B3GAT2: variants seen among roughly 807,000 people sequenced by gnomAD.
B3GAT2 encodes beta-1,3-glucuronyltransferase 2.
In B3GAT2, 26 loss-of-function variants were observed where a neutral mutation model predicts 27.8. The observed-to-expected ratio is 0.93, with a 90% confidence interval of 0.68 to 1.30. The LOEUF is 1.30. Ranked by LOEUF, B3GAT2 falls within the 50% of genes most tolerant of loss-of-function variation. The pLI, the probability that B3GAT2 is intolerant of heterozygous loss-of-function variation, is 0.00. For synonymous variants in B3GAT2, 218 were observed against 195.1 expected (o/e 1.12, Z -0.98); for missense variants, 458 against 459.0 (o/e 1.00, Z 0.02).
chr6:70,886,349 G>A (rs1346548845), intron 2 of B3GAT2, among the ~76,000 whole-genome samples: 1 of 152,180 alleles, frequency 6.6e-6, no homozygotes, highest in Non-Finnish European at 1.5e-5. Context: ...AAAGAACACA[G>A]AATGCTTCCA....
chr6:70,919,919 C>A (rs1047747748), intron 1 of B3GAT2, among the ~76,000 whole-genome samples: 1 of 152,172 alleles, frequency 6.6e-6, no homozygotes, highest in African/African-American at 2.4e-5. Flanking sequence ...GCTGGGAGAA[C>A]CACTGCTTTC....
At chr6:70,919,315 A>T (rs1772828542) in intron 1 of B3GAT2, among the ~76,000 whole-genome samples, 1 of 152,048 alleles carries the variant, frequency 6.6e-6, no homozygotes. Flanking sequence ...CATTTTTTCA[A>T]GGTTTTTAGC....
chr6:70,856,747 C>A lies in B3GAT2; in HGVS notation c.*4916G>T. 1 of 1,126,914 alleles carries A rather than the reference C, an allele frequency of 8.9e-7. No homozygotes were observed. Among genetic ancestry groups the A allele is most frequent in the South Asian group, 1.9e-5 (1 of 51,910 alleles). The allele number at this position is 1,126,914 out of a possible 1,614,324, so 69.8% of individuals were successfully genotyped here. Reference sequence around the variant, plus strand: ...CTCTTGAATGGCACCATTTTACCTTCTACAATTGTTTGATTCCTATCTAAT... The same window carrying A: ...CTCTTGAATGGCACCATTTTACCTTATACAATTGTTTGATTCCTATCTAAT... On this transcript the variant is annotated 3_prime_UTR_variant, in exon 4 of 4. Transcript: ENST00000230053.
At chr6:70,955,597 AG>A (rs1264057743) in intron 1 of B3GAT2, among the ~76,000 whole-genome samples, 3 of 152,138 alleles carry the variant, frequency 2.0e-5, no homozygotes, top group African/African-American at 7.2e-5. Flanking sequence ...GAAAAGCCCC[AG>A]GGCAGACTCC....
chr6:70,894,334 T>C, intron 1 of B3GAT2, 62 bp from the exon 2 acceptor site: 8 of 1,393,900 alleles, frequency 5.7e-6, no homozygotes, highest in East Asian at 2.3e-5. Flanking sequence ...AGGAAATGAA[T>C]GTGATCTATG....
intron 1 of B3GAT2, among the ~76,000 whole-genome samples, chr6:70,946,913 C>G (rs576656750): frequency 5.5e-4 from 83 of 152,104 alleles, no homozygotes; most frequent in Non-Finnish European, 1.0e-3. Context: ...AACTAGAACT[C>G]AGGATTAAGA....
chr6:70,909,272 A>G (rs1051958245), intron 1 of B3GAT2, among the ~76,000 whole-genome samples: 1 of 152,216 alleles, frequency 6.6e-6, no homozygotes, highest in African/African-American at 2.4e-5. Flanking sequence ...TATCAGGAAA[A>G]CAAAATGAAT....
intron 2 of B3GAT2, among the ~76,000 whole-genome samples, chr6:70,888,618 C>G (rs1772230903): frequency 6.6e-6 from 1 of 152,170 alleles, no homozygotes. Context: ...ACACTGCCAA[C>G]ATGTGGTTCT....
At chr6:70,868,288 G>T (rs182803571) in intron 2 of B3GAT2, among the ~76,000 whole-genome samples, 1 of 152,262 alleles carries the variant, frequency 6.6e-6, no homozygotes, top group East Asian at 1.9e-4. Flanking sequence ...ATTCAACAAA[G>T]TCCTGGAGAT....
intron 2 of B3GAT2, among the ~76,000 whole-genome samples, chr6:70,885,412 G>A (rs183501155): frequency 8.5e-5 from 13 of 152,250 alleles, no homozygotes; most frequent in African/African-American, 2.6e-4. Flanking sequence ...CAATGAACAC[G>A]TATCTGCTCC....
chr6:70,877,570 G>A (rs978837394), intron 2 of B3GAT2, among the ~76,000 whole-genome samples: 24 of 152,234 alleles, frequency 1.6e-4, no homozygotes, highest in African/African-American at 4.6e-4. Flanking sequence ...CAGCGCTGAT[G>A]GTTTCTGCAT....
intron 1 of B3GAT2, among the ~76,000 whole-genome samples, chr6:70,954,162 G>C (rs1765614490): frequency 6.6e-6 from 1 of 152,172 alleles, no homozygotes; most frequent in Non-Finnish European, 1.5e-5. Flanking sequence ...AAGACCTTGC[G>C]GTTTAAAAAT....
chr6:70,926,519 C>T (rs1405309177), intron 1 of B3GAT2, among the ~76,000 whole-genome samples: 4 of 152,040 alleles, frequency 2.6e-5, no homozygotes, highest in Non-Finnish European at 4.4e-5. Context: ...ATGAGAAATA[C>T]GTGACGAATG....
At chr6:70,931,116 T>C (rs891677844) in intron 1 of B3GAT2, among the ~76,000 whole-genome samples, 2 of 151,952 alleles carry the variant, frequency 1.3e-5, no homozygotes, top group African/African-American at 4.8e-5. Context: ...TTCTCACTCA[T>C]AGGTGGGAAC....
chr6:70,896,509 A>C (rs377566144), intron 1 of B3GAT2, among the ~76,000 whole-genome samples: 27 of 152,128 alleles, frequency 1.8e-4, no homozygotes, highest in African/African-American at 6.0e-4. Flanking sequence ...CACCCCCAAA[A>C]ATTTCCTTGT....
chr6:70,908,082 T>C (rs1313623422), intron 1 of B3GAT2, among the ~76,000 whole-genome samples: 1 of 152,182 alleles, frequency 6.6e-6, no homozygotes, highest in Non-Finnish European at 1.5e-5. Flanking sequence ...CATGTAGCTA[T>C]TCTGGGCTGT....
chr6:70,957,000 G>T lies in B3GAT2; in HGVS notation c.-571C>A. 1.0e-6 allele frequency: 1 copy of T among 1,000,720 alleles called. No individual in the cohort carries two copies. Among genetic ancestry groups the T allele is most frequent in the Non-Finnish European group, 1.2e-6 (1 of 840,588 alleles). The allele number at this position is 1,000,720 out of a possible 1,614,324, so 62.0% of individuals were successfully genotyped here. ...GTCCCGGCTGTGTTCGCGCGCCGCA[G>T]CGGAAGCCTGCTCTCAGTCCCTTGC... On this transcript the variant is annotated 5_prime_UTR_variant, in exon 1 of 4. The change creates a new upstream start codon in the 5' untranslated region. Transcript: ENST00000230053.
chr6:70,888,194 T>C (rs1445690305), intron 2 of B3GAT2, among the ~76,000 whole-genome samples: 1 of 151,510 alleles, frequency 6.6e-6, no homozygotes, highest in African/African-American at 2.4e-5. Flanking sequence ...CAGTGAATCC[T>C]GAGCTTGAAA....
At chr6:70,867,170 T>A (rs1771864835) in intron 2 of B3GAT2, among the ~76,000 whole-genome samples, 2 of 151,494 alleles carry the variant, frequency 1.3e-5, no homozygotes, top group Admixed American at 6.6e-5. Flanking sequence ...TCTAAAGGAG[T>A]GTTTAGATGG....
Sources: gnomAD v4.1 joint callset for allele counts (sites outside exome capture counted in the v4.1 genomes callset) on GRCh38, gnomAD v4.1.1 for gene constraint, MANE v1.5 for transcripts, NCBI Gene and HGNC (gene_info 2026-07-23, HGNC 2026-07-21) for gene names.